ATP10B: variants seen among roughly 807,000 people sequenced by gnomAD.
ATP10B encodes the protein ATPase phospholipid transporting 10B (putative), also known as phospholipid-transporting ATPase VB.
In ATP10B, 122 loss-of-function variants were observed where a neutral mutation model predicts 141.2. The observed-to-expected ratio is 0.86, with a 90% CI of 0.75 to 1.00. ATP10B has a LOEUF of 1.00. Among genes scored for constraint, ATP10B ranks in the 50% least tolerant of loss-of-function variants. The probability of loss-of-function intolerance (pLI) is 0.00; values close to 1 mark genes in which losing one functional copy is unlikely to be tolerated. For synonymous variants in ATP10B, 685 were observed against 692.0 expected (o/e 0.99, Z 0.16); for missense variants, 1,876 against 1,825.3 (o/e 1.03, Z -0.51).
At chr5:160,920,351 C>T in the ATP10B span, among the ~76,000 whole-genome samples, 17 of 152,264 alleles carry the variant, frequency 1.1e-4, no homozygotes, top group Middle Eastern at 0.01. Flanking sequence ...TAGAGTGAAA[C>T]TTATTTTATA....
At chr5:160,791,591 T>G (rs1467302731) in intron 1 of ATP10B, among the ~76,000 whole-genome samples, 1 of 152,164 alleles carries the variant, frequency 6.6e-6, no homozygotes, top group African/African-American at 2.4e-5. Context: ...GGTTAGTGCT[T>G]ATTCTTCTGA....
intron 11 of ATP10B, 89 bp downstream of exon 11, chr5:160,636,093 G>A: frequency 2.1e-6 from 3 of 1,405,268 alleles, no homozygotes; most frequent in Non-Finnish European, 1.9e-6. Context: ...ACTTTCTAGT[G>A]GCCAGCACTG....
the ATP10B span, among the ~76,000 whole-genome samples, chr5:160,901,421 A>C: frequency 1.3e-5 from 2 of 152,200 alleles, no homozygotes; most frequent in African/African-American, 4.8e-5. Flanking sequence ...TTCATTCATT[A>C]AATTAAAAGT....
chr5:160,755,454 C>A (rs1028488068), intron 2 of ATP10B, among the ~76,000 whole-genome samples: 2 of 151,998 alleles, frequency 1.3e-5, no homozygotes, highest in African/African-American at 4.8e-5. Context: ...CTATTACACA[C>A]CTAGGCTATA....
At chr5:160,591,188 T>G in intron 22 of ATP10B, 49 bp from the exon 23 acceptor site, 2 of 1,519,542 alleles carry the variant, frequency 1.3e-6, no homozygotes, top group Non-Finnish European at 1.8e-6. Flanking sequence ...AGCAAGCCTC[T>G]ATTCTTTGCA....
At chr5:160,803,387 G>C (rs1364741982) in intron 1 of ATP10B, among the ~76,000 whole-genome samples, 1 of 152,154 alleles carries the variant, frequency 6.6e-6, no homozygotes, top group Admixed American at 6.6e-5. Context: ...CATAGGAAGA[G>C]GCTACTTGGG....
intron 2 of ATP10B, among the ~76,000 whole-genome samples, chr5:160,743,326 C>T (rs573056497): frequency 6.6e-6 from 1 of 152,130 alleles, no homozygotes; most frequent in Non-Finnish European, 1.5e-5. Flanking sequence ...ATTATTGGAG[C>T]AAGTTGACAG....
intron 11 of ATP10B, 37 bp downstream of exon 11, chr5:160,636,145 T>A (rs375408879): frequency 6.4e-7 from 1 of 1,560,412 alleles, no homozygotes; most frequent in South Asian, 1.2e-5. Flanking sequence ...TTTGGCCACA[T>A]ATCTTATTGG....
chr5:160,569,994 T>C (rs1156817585), intron 24 of ATP10B, among the ~76,000 whole-genome samples: 2 of 152,146 alleles, frequency 1.3e-5, no homozygotes, highest in Non-Finnish European at 2.9e-5. Flanking sequence ...AATGGATAAA[T>C]AGAATCATGT....
intron 1 of ATP10B, among the ~76,000 whole-genome samples, chr5:160,815,068 C>T (rs1773502263): frequency 6.6e-6 from 1 of 152,166 alleles, no homozygotes; most frequent in Non-Finnish European, 1.5e-5. Flanking sequence ...TAGGAAGAAA[C>T]TGCATCAACT....
chr5:160,909,194 T>C, the ATP10B span, among the ~76,000 whole-genome samples: 5 of 152,150 alleles, frequency 3.3e-5, no homozygotes, highest in Non-Finnish European at 5.9e-5. Flanking sequence ...GCCCAGACTA[T>C]GAGGAAGGAT....
At chr5:160,802,219 C>T (rs1772422949) in intron 1 of ATP10B, among the ~76,000 whole-genome samples, 1 of 152,130 alleles carries the variant, frequency 6.6e-6, no homozygotes, top group Non-Finnish European at 1.5e-5. Context: ...AGGAAGATGA[C>T]CACCTCATGA....
At chr5:160,641,867 T>C (rs961723180) in intron 9 of ATP10B, among the ~76,000 whole-genome samples, 1 of 152,202 alleles carries the variant, frequency 6.6e-6, no homozygotes, top group Non-Finnish European at 1.5e-5. Flanking sequence ...AACAAAACAG[T>C]AGGAGCAAAA....
At chr5:160,571,007 C>CT (rs924019572) in intron 24 of ATP10B, among the ~76,000 whole-genome samples, 66 of 152,028 alleles carry the variant, frequency 4.3e-4, no homozygotes, top group Admixed American at 9.8e-4. Context: ...GCTTTTATAA[C>CT]TTTTTTTTGT....
At chr5:160,598,722 T>A (rs374867390) in intron 22 of ATP10B, 48 bp downstream of exon 22, 1 of 1,569,804 alleles carries the variant, frequency 6.4e-7, no homozygotes, top group Non-Finnish European at 8.7e-7. Context: ...GAGGTAGAGG[T>A]CAGTAAGAAG....
chr5:160,868,114 A>G, the ATP10B span, among the ~76,000 whole-genome samples: 1 of 152,138 alleles, frequency 6.6e-6, no homozygotes, highest in Non-Finnish European at 1.5e-5. Flanking sequence ...CTGGTCTGCC[A>G]TGTGAAGCTC....
rs191275704 is a variant in ATP10B, at chr5:160,732,086, T to G, written c.-330-15052A>C. Among the ~76,000 whole-genome samples the G allele has an allele frequency of 1.2e-3, 180 of 152,218 alleles. 1 individual carries two copies. The highest frequency in any genetic ancestry group is 4.2e-3 in the African/African-American group (173 of 41,520). On this transcript the variant is annotated intron_variant, in intron 2 of 25. Coordinates refer to ENST00000327245, the MANE Select transcript of ATP10B (RefSeq NM_025153.3). ...GATGTTGGAATTAATGACATGAAAT[T>G]TAAAGGAAATATTATAAATACCTCA...
At chr5:160,830,869 A>C (rs1476306567) in intron 1 of ATP10B, among the ~76,000 whole-genome samples, 3 of 152,098 alleles carry the variant, frequency 2.0e-5, no homozygotes, top group Non-Finnish European at 4.4e-5. Context: ...TTAATCTGAC[A>C]TCTCCAAACA....
intron 7 of ATP10B, among the ~76,000 whole-genome samples, chr5:160,652,857 A>C (rs1181564960): frequency 1.0e-5 from 1 of 96,190 alleles, no homozygotes; most frequent in African/African-American, 4.6e-5. Flanking sequence ...AAAGATTATA[A>C]ATTATATATA....
Sources: gnomAD v4.1 joint callset for allele counts (sites outside exome capture counted in the v4.1 genomes callset) on GRCh38, gnomAD v4.1.1 for gene constraint, MANE v1.5 for transcripts, NCBI Gene and HGNC (gene_info 2026-07-23, HGNC 2026-07-21) for gene names.